Variants in PTPRD observed in about 807,000 individuals in gnomAD.
The protein encoded by PTPRD is protein tyrosine phosphatase receptor type D.
A neutral mutation model predicts 214.5 loss-of-function variants in PTPRD; 34 were observed. The observed-to-expected ratio is 0.16, with a 90% confidence interval of 0.12 to 0.21. The LOEUF (loss-of-function observed/expected upper bound fraction) is 0.21. PTPRD is among the 10% of genes least tolerant of loss of function. PTPRD has a pLI of 1.00. For missense variants in PTPRD, 2,545 were observed against 2,398.7 expected, an observed-to-expected ratio of 1.06 and a Z score of -1.27; for synonymous variants, 1,128 against 845.7, an observed-to-expected ratio of 1.33 and a Z score of -5.79.
chr9:8,607,517 C>G (rs2154285488), intron 14 of PTPRD, among the ~76,000 whole-genome samples: 1 of 152,220 alleles, frequency 6.6e-6, no homozygotes, highest in South Asian at 2.1e-4. Flanking sequence ...GTGACACGCG[C>G]CTGTAATACC....
chr9:10,064,445 G>A (rs2097840508), intron 3 of PTPRD, among the ~76,000 whole-genome samples: 1 of 151,852 alleles, frequency 6.6e-6, no homozygotes. Flanking sequence ...TGTATCTGGA[G>A]GCAGGAAAAT....
At position 8,913,575 on chromosome 9, in the gene PTPRD, T is replaced by A. The variant is rs1288623420; in HGVS notation, c.-104+105122A>T. 2.0e-5 allele frequency among the ~76,000 whole-genome samples: 3 copies of A among 152,206 alleles called. No homozygotes were observed. In the East Asian group the frequency reaches 5.8e-4, roughly 29 times the overall value. On this transcript the variant is annotated intron_variant, in intron 11 of 45. Transcript: ENST00000381196. ...TTAAATAAAAAAGTATTATAATGAG[T>A]GACTTCCATTTAATTGCTATACATT...
intron 9 of PTPRD, among the ~76,000 whole-genome samples, chr9:9,267,367 C>T (rs1245847066): frequency 2.0e-5 from 3 of 151,082 alleles, no homozygotes; most frequent in Non-Finnish European, 3.0e-5. Flanking sequence ...AAATAGATAA[C>T]CTGAACAGTC....
intron 24 of PTPRD, 83 bp from the exon 25 acceptor site, chr9:8,499,923 GT>G: frequency 8.0e-7 from 1 of 1,243,550 alleles, no homozygotes; most frequent in East Asian, 2.5e-5. Flanking sequence ...CTTTACTTAG[GT>G]TTCTCTTTCA....
intron 39 of PTPRD, among the ~76,000 whole-genome samples, chr9:8,372,697 T>G (rs1363663336): frequency 6.6e-6 from 1 of 152,042 alleles, no homozygotes; most frequent in East Asian, 1.9e-4. Context: ...TCCTTGACCT[T>G]CCAAGGCCTT....
At chr9:10,331,854 T>A (rs1305864665) in intron 3 of PTPRD, among the ~76,000 whole-genome samples, 1 of 151,900 alleles carries the variant, frequency 6.6e-6, no homozygotes, top group Non-Finnish European at 1.5e-5. Context: ...TGTATAAATT[T>A]AAATAAGTTA....
chr9:9,980,096 C>G (rs1211815294), intron 4 of PTPRD, among the ~76,000 whole-genome samples: 1 of 152,016 alleles, frequency 6.6e-6, no homozygotes, highest in Admixed American at 6.6e-5. Flanking sequence ...AAAGAGATAA[C>G]TCATAAGATT....
At chr9:8,712,772 G>C (rs980371640) in intron 12 of PTPRD, among the ~76,000 whole-genome samples, 1 of 152,182 alleles carries the variant, frequency 6.6e-6, no homozygotes, top group African/African-American at 2.4e-5. Context: ...AGGCTGGAGT[G>C]CAGTGGCACG....
chr9:9,819,850 T>C (rs1349884002), intron 5 of PTPRD, among the ~76,000 whole-genome samples: 1 of 152,188 alleles, frequency 6.6e-6, no homozygotes, highest in Non-Finnish European at 1.5e-5. Flanking sequence ...GGCTATGCAG[T>C]ATTCATGGTA....
rs939082987 is a variant in PTPRD, at chr9:8,688,580, GA to G, written c.64+45199del. Reference sequence around the variant, plus strand: ...ACTCTGTCTCAAAAAAAAAAAAAAAGAAAAAAATATATATAAGATGGTATCT... The same window carrying G: ...ACTCTGTCTCAAAAAAAAAAAAAAAGAAAAAATATATATAAGATGGTATCT... On this transcript the variant is annotated intron_variant, in intron 12 of 45. Coordinates refer to ENST00000381196, the MANE Select transcript of PTPRD (RefSeq NM_002839.4). Among the ~76,000 whole-genome samples, 684 of 144,064 alleles carry G rather than the reference GA, an allele frequency of 4.7e-3. 5 individuals carry two copies. The highest frequency in any genetic ancestry group is 0.016 in the African/African-American group (642 of 39,040). The allele number at this position is 144,064 out of a possible 152,430, so 94.5% of individuals were successfully genotyped here.
At chr9:9,596,801 T>C (rs1404445184) in intron 7 of PTPRD, among the ~76,000 whole-genome samples, 1 of 152,006 alleles carries the variant, frequency 6.6e-6, no homozygotes, top group Non-Finnish European at 1.5e-5. Context: ...TTTGCAAATA[T>C]AGAAATATAA....
intron 9 of PTPRD, among the ~76,000 whole-genome samples, chr9:9,360,142 C>T (rs1021818609): frequency 1.3e-5 from 2 of 150,678 alleles, no homozygotes; most frequent in Non-Finnish European, 3.0e-5. Flanking sequence ...TTTAAATTTC[C>T]TTTTAATGGA....
intron 9 of PTPRD, among the ~76,000 whole-genome samples, chr9:9,367,611 T>TA (rs982478123): frequency 6.0e-5 from 9 of 151,048 alleles, no homozygotes; most frequent in South Asian, 2.1e-4. Context: ...AGTTTGGCAT[T>TA]AAAAAAAACA....
chr9:10,244,057 AGAAT>A (rs900606514), intron 3 of PTPRD, among the ~76,000 whole-genome samples: 2 of 151,990 alleles, frequency 1.3e-5, no homozygotes, highest in Non-Finnish European at 2.9e-5. Context: ...TAAAGTGCAT[AGAAT>A]GAGACTATAG....
chr9:9,021,974 G>A (rs970610936), intron 10 of PTPRD, among the ~76,000 whole-genome samples: 1 of 151,834 alleles, frequency 6.6e-6, no homozygotes, highest in East Asian at 1.9e-4. Context: ...GACATGTAGC[G>A]GGGTGGGGGG....
intron 3 of PTPRD, among the ~76,000 whole-genome samples, chr9:10,304,011 T>A (rs2095963180): frequency 6.6e-6 from 1 of 152,174 alleles, no homozygotes; most frequent in African/African-American, 2.4e-5. Context: ...GCAAAAATCC[T>A]TAATAAAATA....
intron 7 of PTPRD, among the ~76,000 whole-genome samples, chr9:9,594,303 C>G (rs1272785771): frequency 6.6e-6 from 1 of 151,910 alleles, no homozygotes; most frequent in African/African-American, 2.4e-5. Flanking sequence ...TATCTTTGTT[C>G]TTATGGCATT....
rs538378997 is a variant in PTPRD, at chr9:9,157,892, C to T, written c.-143+25412G>A. On this transcript the variant is annotated intron_variant, in intron 10 of 45. Transcript: ENST00000381196. The stretch of plus-strand genomic sequence containing the variant: ...CCCTTGCCTGACCCCCCAACAGTTG[C>T]CCACAGTGTGTTATTTCCCACTGTG... Among the ~76,000 whole-genome samples, 12 of 152,196 alleles carry T rather than the reference C, an allele frequency of 7.9e-5. No individual in the cohort carries two copies. The South Asian group carries it at 2.5e-3, about 32-fold the overall frequency.
At chr9:10,403,435 G>C (rs1452509230) in intron 2 of PTPRD, among the ~76,000 whole-genome samples, 4 of 150,504 alleles carry the variant, frequency 2.7e-5, no homozygotes, top group African/African-American at 9.7e-5. Flanking sequence ...TTTTCTAATT[G>C]AATAACTCTT....
Sources: gnomAD v4.1 joint callset for allele counts (sites outside exome capture counted in the v4.1 genomes callset) on GRCh38, gnomAD v4.1.1 for gene constraint, MANE v1.5 for transcripts, NCBI Gene and HGNC (gene_info 2026-07-23, HGNC 2026-07-21) for gene names.